BARX2: variants seen among roughly 807,000 people sequenced by gnomAD.
BARX2 encodes homeobox protein BarH-like 2.
Under a neutral mutation model 25.5 loss-of-function variants are expected in BARX2, and 11 were observed. The ratio of observed to expected loss-of-function variants is 0.43; its 90% CI spans 0.27 to 0.71. BARX2 has a LOEUF of 0.71. Among genes scored for constraint, BARX2 ranks in the 30% least tolerant of loss-of-function variants. The pLI is 0.19. For synonymous variants in BARX2, 137 were observed against 149.5 expected (o/e 0.92, Z 0.61); for missense variants, 360 against 359.9 (o/e 1.00, Z 0.00).
chr11:129,398,233 C>T (rs1044348860), intron 1 of BARX2, among the ~76,000 whole-genome samples: 5 of 152,180 alleles, frequency 3.3e-5, no homozygotes, highest in African/African-American at 1.2e-4. Context: ...GTTTTCTTCT[C>T]TTCATCATTG....
chr11:129,380,750 G>A (rs1370483892), intron 1 of BARX2, among the ~76,000 whole-genome samples: 3 of 152,032 alleles, frequency 2.0e-5, no homozygotes, highest in Admixed American at 2.0e-4. Context: ...GCTCTTTTGG[G>A]ATCCTTAACT....
chr11:129,428,481 A>G (rs747279743), intron 1 of BARX2, among the ~76,000 whole-genome samples: 1 of 152,254 alleles, frequency 6.6e-6, no homozygotes, highest in Non-Finnish European at 1.5e-5. Context: ...TTTATTTCAC[A>G]GTACTTTTTT....
intron 1 of BARX2, among the ~76,000 whole-genome samples, chr11:129,418,225 GC>G (rs926254333): frequency 2.0e-5 from 3 of 152,168 alleles, no homozygotes; most frequent in African/African-American, 7.2e-5. Flanking sequence ...CTATAAAAAG[GC>G]CTCTCTGCTT....
At chr11:129,405,222 T>C (rs921044995) in intron 1 of BARX2, among the ~76,000 whole-genome samples, 1 of 152,160 alleles carries the variant, frequency 6.6e-6, no homozygotes, top group Non-Finnish European at 1.5e-5. Flanking sequence ...TAACTCTCCT[T>C]AATGTGCCAA....
At chr11:129,431,675 T>G (rs1862131112) in intron 1 of BARX2, among the ~76,000 whole-genome samples, 1 of 152,248 alleles carries the variant, frequency 6.6e-6, no homozygotes, top group Non-Finnish European at 1.5e-5. Context: ...ATATTCCGGG[T>G]AAAAATCATT....
intron 2 of BARX2, among the ~76,000 whole-genome samples, chr11:129,439,286 T>TA (rs1862229720): frequency 6.6e-6 from 1 of 152,036 alleles, no homozygotes; most frequent in Non-Finnish European, 1.5e-5. Context: ...CAATTTTTTT[T>TA]TTATTATTAT....
intron 1 of BARX2, among the ~76,000 whole-genome samples, chr11:129,400,380 ATCT>A (rs1861763404): frequency 6.6e-6 from 1 of 152,174 alleles, no homozygotes; most frequent in Non-Finnish European, 1.5e-5. Flanking sequence ...GCTGGGGAAG[ATCT>A]TCTGGATGAG....
chr11:129,434,425 A>T (rs1053245306), intron 1 of BARX2, among the ~76,000 whole-genome samples: 3 of 55,710 alleles, frequency 5.4e-5, no homozygotes, highest in Non-Finnish European at 1.0e-4. Context: ...AGTAAGTAAA[A>T]AAAAAAAAAA....
At chr11:129,404,248 G>A (rs1861806991) in intron 1 of BARX2, among the ~76,000 whole-genome samples, 1 of 152,204 alleles carries the variant, frequency 6.6e-6, no homozygotes, top group African/African-American at 2.4e-5. Flanking sequence ...CTTGGAGAGG[G>A]CAGCGAGGGA....
chr11:129,439,527 A>T (rs530828334), intron 2 of BARX2, among the ~76,000 whole-genome samples: 17 of 152,344 alleles, frequency 1.1e-4, no homozygotes, highest in South Asian at 6.2e-4. Flanking sequence ...GGCAGAATCA[A>T]CATTGCGGAA....
chr11:129,411,253 C>T (rs1041049935), intron 1 of BARX2, among the ~76,000 whole-genome samples: 2 of 151,922 alleles, frequency 1.3e-5, no homozygotes, highest in African/African-American at 2.4e-5. Context: ...TGCCTGTAGT[C>T]CCAGCTACTC....
intron 1 of BARX2, among the ~76,000 whole-genome samples, chr11:129,413,490 T>C (rs998129710): frequency 5.3e-5 from 8 of 152,198 alleles, no homozygotes; most frequent in Non-Finnish European, 1.0e-4. Context: ...CAGTTCAATT[T>C]GTCAGGGGTC....
intron 1 of BARX2, among the ~76,000 whole-genome samples, chr11:129,435,332 C>T (rs770118785): frequency 2.0e-5 from 3 of 152,138 alleles, no homozygotes; most frequent in Non-Finnish European, 4.4e-5. Context: ...TTCTGCTGGG[C>T]CTAGCTAGAA....
At position 129,451,307 on chromosome 11, in the gene BARX2, C is replaced by T; in HGVS notation, c.745C>T (p.Pro249Ser). The T allele has an allele frequency of 6.2e-7, 1 of 1,614,168 alleles. No individual in the cohort carries two copies. Among genetic ancestry groups the T allele is most frequent in the Middle Eastern group, 1.6e-4 (1 of 6,062 alleles). Residue 249 changes from proline (P) to serine (S), a missense_variant, in exon 4 of 4, where the codon CCG (proline) becomes TCG (serine). Around this residue, in one of 3 missense-constraint regions of BARX2, gnomAD observed 114 missense variants for 109.4 expected, o/e 1.04. Coordinates refer to ENST00000281437, the MANE Select transcript of BARX2 (RefSeq NM_003658.5). ...GGAGGAGCTCTGTGAAGCACAGGAA[C>T]CGAAAGCACGTGATGTCCCCTTAGA... The part of the protein sequence containing the change: ...GQEELCEAQE[P>S]KARDVPLEMA...
intron 1 of BARX2, among the ~76,000 whole-genome samples, chr11:129,415,763 A>C (rs1048880721): frequency 6.6e-6 from 1 of 152,194 alleles, no homozygotes; most frequent in African/African-American, 2.4e-5. Context: ...CCTTGCTCCA[A>C]CTTTACTTTG....
intron 1 of BARX2, among the ~76,000 whole-genome samples, chr11:129,410,691 C>T (rs998120308): frequency 6.6e-6 from 1 of 152,172 alleles, no homozygotes. Flanking sequence ...AGGTCATTTA[C>T]GGTGGCCATT....
Position 129,430,922 on chromosome 11 carries a change from C to T in BARX2, c.188-5829C>T, listed in dbSNP as rs528109199. 1.6e-4 allele frequency among the ~76,000 whole-genome samples: 25 copies of T among 152,292 alleles called. No homozygotes were observed. In the South Asian group the frequency reaches 4.8e-3, roughly 29 times the overall value. On this transcript the variant is annotated intron_variant, in intron 1 of 3. Transcript: ENST00000281437. The stretch of plus-strand genomic sequence containing the variant: ...TGTCGCCCAGGCTGGAGTGCAGTGG[C>T]ATGATCTCTGCTCTCTGCAACCTTC...
At chr11:129,394,150 T>C (rs1326579891) in intron 1 of BARX2, among the ~76,000 whole-genome samples, 2 of 152,206 alleles carry the variant, frequency 1.3e-5, no homozygotes, top group Non-Finnish European at 1.5e-5. Context: ...GGAATCACAC[T>C]ATACTTTTTG....
intron 1 of BARX2, among the ~76,000 whole-genome samples, chr11:129,415,507 C>A (rs1228884903): frequency 6.6e-6 from 1 of 152,168 alleles, no homozygotes; most frequent in Admixed American, 6.5e-5. Flanking sequence ...GCTGGGCCCA[C>A]TGGTCATAAC....
Sources: gnomAD v4.1 joint callset for allele counts (sites outside exome capture counted in the v4.1 genomes callset) on GRCh38, gnomAD v4.1.1 for gene constraint, gnomAD v4.1.1 regional missense constraint, MANE v1.5 for transcripts, NCBI Gene and HGNC (gene_info 2026-07-23, HGNC 2026-07-21) for gene names.